RBFOX2: variants seen among roughly 807,000 people sequenced by gnomAD.
RBFOX2 encodes the protein RNA binding protein fox-1 homolog 2.
In RBFOX2, 10 loss-of-function variants were observed where a neutral mutation model predicts 49.1. The ratio of observed to expected loss-of-function variants is 0.20; its 90% CI spans 0.13 to 0.35. The LOEUF (loss-of-function observed/expected upper bound fraction) is 0.35, where lower values mean the gene tolerates loss of function less well. Ranked by LOEUF, RBFOX2 falls within the 10% of genes least tolerant of loss-of-function variation. The probability of loss-of-function intolerance (pLI) is 1.00; values close to 1 mark genes in which losing one functional copy is unlikely to be tolerated. For missense variants in RBFOX2, 323 were observed against 486.9 expected (o/e 0.66, Z 3.17); for synonymous variants, 183 against 187.4 (o/e 0.98, Z 0.19).
At chr22:35,776,881 C>CTT (rs60841537) in intron 4 of RBFOX2, among the ~76,000 whole-genome samples, 2 of 145,400 alleles carry the variant, frequency 1.4e-5, no homozygotes, top group East Asian at 4.0e-4. Context: ...TCATCAAATA[C>CTT]TTTTTTTTTT....
At chr22:35,809,830 G>A (rs780457242) in exon 2 of RBFOX2, 1 of 1,614,014 alleles carries the variant, frequency 6.2e-7, no homozygotes, top group Non-Finnish European at 8.5e-7. Flanking sequence ...TGCTCCCCGT[G>A]GGCTTGCGTA....
intron 6 of RBFOX2, among the ~76,000 whole-genome samples, chr22:35,764,313 G>A (rs186914519): frequency 1.1e-4 from 16 of 152,130 alleles, no homozygotes; most frequent in Admixed American, 5.2e-4. Flanking sequence ...AGCCAGGCAT[G>A]GTGGCTCACG....
intron 9 of RBFOX2, 106 bp from the exon 11 acceptor site, chr22:35,756,250 G>T: frequency 9.0e-6 from 9 of 998,598 alleles, no homozygotes; most frequent in East Asian, 3.1e-5. Context: ...ACAGGCAGGT[G>T]ATGTATGAAT....
intron 1 of RBFOX2, among the ~76,000 whole-genome samples, chr22:35,910,450 A>G (rs2049674709): frequency 1.3e-5 from 2 of 152,254 alleles, no homozygotes; most frequent in Non-Finnish European, 2.9e-5. Flanking sequence ...GCTGACAGGC[A>G]GACAGATGCC....
intron 1 of RBFOX2, among the ~76,000 whole-genome samples, chr22:35,934,067 A>G (rs1439103827): frequency 1.3e-5 from 2 of 151,276 alleles, no homozygotes; most frequent in Non-Finnish European, 1.5e-5. Context: ...TGTGGGCAGG[A>G]TAACTGTAAA....
upstream of RBFOX2, among the ~76,000 whole-genome samples, chr22:35,942,201 C>T (rs1042217613): frequency 2.6e-5 from 4 of 152,056 alleles, no homozygotes; most frequent in South Asian, 4.1e-4. Flanking sequence ...ATGCTGCCTA[C>T]GAACATTCTT....
chr22:35,794,134 T>C lies in RBFOX2; in HGVS notation c.253-12388A>G, dbSNP rs374145161. 9.8e-5 allele frequency among the ~76,000 whole-genome samples: 15 copies of C among 152,316 alleles called. No individual in the cohort carries two copies. The East Asian group carries it at 2.7e-3, about 27-fold the overall frequency. On this transcript the variant is annotated intron_variant, in intron 2 of 11. Coordinates refer to ENST00000405409, the Ensembl canonical transcript of RBFOX2. ...TTAGAATGAAAGAAATTTGTTAGTA[T>C]GCTCAAGCTAGAGTCCTAGGTTAAA...
intron 1 of RBFOX2, among the ~76,000 whole-genome samples, chr22:36,017,230 C>A (rs756641018): frequency 1.1e-4 from 16 of 152,236 alleles, no homozygotes; most frequent in Admixed American, 1.0e-3. Context: ...TTCCCCAGAT[C>A]CATAAAAACA....
At chr22:35,873,177 C>T (rs2044586064) in intron 1 of RBFOX2, among the ~76,000 whole-genome samples, 1 of 152,048 alleles carries the variant, frequency 6.6e-6, no homozygotes, top group Non-Finnish European at 1.5e-5. Context: ...GTCTTGCTGT[C>T]ACCTAGTGCA....
chr22:35,970,481 C>CAAAA (rs745706842), intron 1 of RBFOX2, among the ~76,000 whole-genome samples: 1 of 115,920 alleles, frequency 8.6e-6, no homozygotes, highest in African/African-American at 3.7e-5. Flanking sequence ...AGACCCATCT[C>CAAAA]AAAAAAAAAA....
intron 1 of RBFOX2, among the ~76,000 whole-genome samples, chr22:35,850,069 G>A (rs878961456): frequency 2.0e-5 from 3 of 152,116 alleles, no homozygotes; most frequent in East Asian, 1.9e-4. Flanking sequence ...CTTTAAGTGC[G>A]TCAGAGAATA....
intron 4 of RBFOX2, 137 bp from the exon 6 acceptor site, chr22:35,768,486 T>C: frequency 2.9e-6 from 2 of 688,402 alleles, no homozygotes; most frequent in Non-Finnish European, 4.9e-6. Flanking sequence ...CAAAGTCACA[T>C]TTTTGGTCCA....
At chr22:35,940,797 A>G (rs1180279984), upstream of RBFOX2, among the ~76,000 whole-genome samples, 1 of 152,212 alleles carries the variant, frequency 6.6e-6, no homozygotes, top group Non-Finnish European at 1.5e-5. Context: ...TGAATACTGA[A>G]AACACCATGC....
At chr22:35,912,168 C>G (rs1444914521) in intron 1 of RBFOX2, among the ~76,000 whole-genome samples, 1 of 152,160 alleles carries the variant, frequency 6.6e-6, no homozygotes, top group African/African-American at 2.4e-5. Context: ...ATGGCAGAAA[C>G]AGCATACTAC....
intron 1 of RBFOX2, among the ~76,000 whole-genome samples, chr22:35,863,331 G>A (rs1370485293): frequency 6.6e-6 from 1 of 152,102 alleles, no homozygotes; most frequent in African/African-American, 2.4e-5. Context: ...TAAAGGAGGA[G>A]AGAAAATTGA....
chr22:35,803,147 A>AACACACACACACACACAC (rs374346895), intron 2 of RBFOX2, among the ~76,000 whole-genome samples: 11 of 145,842 alleles, frequency 7.5e-5, no homozygotes, highest in African/African-American at 2.8e-4. Context: ...AATTACTTAA[A>AACACACACACACACACAC]ACACACACAC....
intron 1 of RBFOX2, among the ~76,000 whole-genome samples, chr22:35,982,172 A>G (rs1332926870): frequency 1.3e-5 from 2 of 152,186 alleles, no homozygotes; most frequent in Non-Finnish European, 2.9e-5. Context: ...TGCTAGGAGC[A>G]AGAAGCAAAG....
Position 35,895,081 on chromosome 22 carries a change from T to C in RBFOX2, c.-34+43766A>G, listed in dbSNP as rs559999970. Among the ~76,000 whole-genome samples the C allele has an allele frequency of 3.6e-3, 544 of 151,536 alleles. 2 individuals carry two copies. The highest frequency in any genetic ancestry group is 6.2e-3 in the Non-Finnish European group (421 of 67,818). On this transcript the variant is annotated intron_variant, in intron 1 of 13. Transcript: ENST00000359369. ...CTCACCCTCCCTCCGTCCCTCCCTC[T>C]CTCTCTCTCTCTTTCTCTCTCTCTC...
chr22:35,971,912 TAAAAAAAAAA>T (rs527896726), intron 1 of RBFOX2, among the ~76,000 whole-genome samples: 24 of 56,602 alleles, frequency 4.2e-4, no homozygotes, highest in African/African-American at 1.2e-3. Context: ...TTTTTCTCCC[TAAAAAAAAAA>T]AAAAAAAAAA....
Sources: allele counts gnomAD v4.1 joint callset (sites outside exome capture counted in the v4.1 genomes callset), GRCh38; gene constraint gnomAD v4.1.1; transcripts MANE v1.5; gene names NCBI Gene and HGNC (gene_info 2026-07-23, HGNC 2026-07-21).